The following BPIFC variants were observed in gnomAD, a reference collection of about 807,000 sequenced individuals.
BPIFC encodes BPI fold containing family C, also known as BPI fold-containing family C protein.
In BPIFC, 60 loss-of-function variants were observed where a neutral mutation model predicts 57.6. That is an observed-to-expected ratio of 1.04 (90% CI 0.85 to 1.29). The LOEUF is 1.29. Among genes scored for constraint, BPIFC ranks in the 50% most tolerant of loss-of-function variants. The pLI, the probability that BPIFC is intolerant of heterozygous loss-of-function variation, is 0.00. For missense variants in BPIFC, 581 were observed against 600.5 expected, an observed-to-expected ratio of 0.97 and a Z score of 0.34; for synonymous variants, 243 against 224.5, an observed-to-expected ratio of 1.08 and a Z score of -0.74.
intron 3 of BPIFC, 82 bp downstream of exon 3, chr22:32,457,181 C>A: frequency 6.8e-7 from 1 of 1,473,850 alleles, no homozygotes; most frequent in Non-Finnish European, 9.0e-7. Context: ...CAGGAGACAG[C>A]CCATGTTATG....
chr22:32,428,277 G>A (rs1381753849), intron 13 of BPIFC, among the ~76,000 whole-genome samples: 3 of 74,278 alleles, frequency 4.0e-5, no homozygotes, highest in African/African-American at 1.2e-4. Flanking sequence ...GTGCGCGCGC[G>A]TGTGTGTGTG....
At chr22:32,462,060 TG>T (rs766240334) in intron 1 of BPIFC, among the ~76,000 whole-genome samples, 44 of 148,080 alleles carry the variant, frequency 3.0e-4, no homozygotes, top group Non-Finnish European at 2.4e-4. Context: ...GTCCCAGCTA[TG>T]TGGGAGGCTG....
intron 7 of BPIFC, among the ~76,000 whole-genome samples, chr22:32,443,039 T>C (rs1246523968): frequency 6.6e-6 from 1 of 152,200 alleles, no homozygotes; most frequent in Non-Finnish European, 1.5e-5. Context: ...CAGTCCATGC[T>C]GTTATACCCG....
chr22:32,460,689 C>T (rs570984609), intron 2 of BPIFC, among the ~76,000 whole-genome samples: 20 of 152,338 alleles, frequency 1.3e-4, no homozygotes, highest in African/African-American at 4.8e-4. Context: ...ATTTAAAGCA[C>T]CATCTTCTTT....
At chr22:32,432,304 CT>C in intron 12 of BPIFC, 68 bp downstream of exon 12, 1 of 1,536,236 alleles carries the variant, frequency 6.5e-7, no homozygotes, top group Non-Finnish European at 8.9e-7. Context: ...TTAAAAGCTG[CT>C]GGCCAACAGT....
intron 2 of BPIFC, among the ~76,000 whole-genome samples, chr22:32,460,567 C>T (rs533488314): frequency 3.9e-5 from 6 of 152,168 alleles, no homozygotes; most frequent in Non-Finnish European, 7.4e-5. Context: ...CACCATCCAG[C>T]CAAACTGAAC....
intron 13 of BPIFC, among the ~76,000 whole-genome samples, chr22:32,424,596 TTC>T (rs2145917488): frequency 4.3e-5 from 4 of 93,090 alleles, no homozygotes; most frequent in African/African-American, 1.5e-4. Context: ...CTTCTTCTTC[TTC>T]TTCTCCTCCT....
At chr22:32,427,781 G>T (rs1040616250) in intron 13 of BPIFC, among the ~76,000 whole-genome samples, 1 of 152,144 alleles carries the variant, frequency 6.6e-6, no homozygotes, top group East Asian at 1.9e-4. Flanking sequence ...GAGGTCAAAA[G>T]ATCAAGACCA....
chr22:32,457,555 A>C (rs1481450307), intron 2 of BPIFC, among the ~76,000 whole-genome samples, 169 bp from the exon 3 acceptor site: 1 of 143,176 alleles, frequency 7.0e-6, no homozygotes, highest in African/African-American at 2.7e-5. Context: ...CCAACCATCC[A>C]TCCGTCCATC....
chr22:32,417,189 C>CA, intron 14 of BPIFC, 41 bp from the exon 15 acceptor site: 1 of 977,414 alleles, frequency 1.0e-6, no homozygotes, highest in Non-Finnish European at 1.5e-6. Flanking sequence ...GCAGATCGGG[C>CA]TTTTTTTTTT....
intron 14 of BPIFC, among the ~76,000 whole-genome samples, chr22:32,419,086 TGCCTGTTTTTCTAGCA>T (rs1331744294): frequency 6.6e-6 from 1 of 152,194 alleles, no homozygotes; most frequent in Non-Finnish European, 1.5e-5. Flanking sequence ...TCCCTGAGAA[TGCCTGTTTTTCTAGCA>T]TTATACAATG....
Position 32,432,563 on chromosome 22 carries a change from G to C in BPIFC, c.979-20C>G, listed in dbSNP as rs948981993. ...TGCAATCTGCCCACATTCCGAGAAA[G>C]AAATAAAGATTGTGAGGCGTGAGTT... On this transcript the variant is annotated intron_variant, in intron 11 of 16. Transcript: ENST00000300399. The C allele has an allele frequency of 1.9e-6, 3 of 1,611,088 alleles. No homozygotes were observed. The highest frequency in any genetic ancestry group is 2.5e-6 in the Non-Finnish European group (3 of 1,177,594).
intron 15 of BPIFC, 60 bp from the exon 16 acceptor site, chr22:32,416,051 T>G: frequency 8.6e-7 from 1 of 1,159,686 alleles, no homozygotes; most frequent in Non-Finnish European, 1.2e-6. Context: ...TTAGCAAGCT[T>G]TTTAGTAAGA....
chr22:32,452,982 G>A (rs1262951027), intron 4 of BPIFC, among the ~76,000 whole-genome samples: 1 of 152,170 alleles, frequency 6.6e-6, no homozygotes, highest in Non-Finnish European at 1.5e-5. Flanking sequence ...TATTGGGAAC[G>A]ACAAACTTGT....
chr22:32,430,948 C>T (rs955206870), intron 13 of BPIFC, among the ~76,000 whole-genome samples: 3 of 152,024 alleles, frequency 2.0e-5, no homozygotes, highest in African/African-American at 4.8e-5. Context: ...GACCATATTA[C>T]AAAATTATAT....
In BPIFC at chr22:32,452,383, T is replaced by A. The variant is rs1367495712; in HGVS notation, c.245+1000A>T. 2.6e-5 allele frequency among the ~76,000 whole-genome samples: 4 copies of A among 152,082 alleles called. No homozygotes were observed. In the East Asian group the frequency reaches 5.8e-4, roughly 22 times the overall value. On this transcript the variant is annotated intron_variant, in intron 4 of 16. Transcript: ENST00000300399. ...TGGGCGTGGTGGCTCACGCCTGTAATCCCAGCACTTTGGGAGGCCAAAGGC... is the reference window on the plus strand; with the variant it reads ...TGGGCGTGGTGGCTCACGCCTGTAAACCCAGCACTTTGGGAGGCCAAAGGC...
rs1425491070 is a variant in BPIFC, at chr22:32,431,314, A to C, written c.1217+33T>G. 7 of 1,563,580 alleles carry C rather than the reference A, an allele frequency of 4.5e-6. No homozygotes were observed. In the South Asian group the frequency reaches 7.8e-5, roughly 17 times the overall value. Reference sequence around the variant, plus strand: ...TGATCAGTTGACTCACTTATTACTAAGGTGCCCCAACAGTCAAATTGATTG... The same window carrying C: ...TGATCAGTTGACTCACTTATTACTACGGTGCCCCAACAGTCAAATTGATTG... On this transcript the variant is annotated intron_variant, in intron 13 of 16. Coordinates refer to ENST00000300399, the MANE Select transcript of BPIFC (RefSeq NM_174932.3).
At chr22:32,431,620 G>A (rs903793678) in intron 12 of BPIFC, among the ~76,000 whole-genome samples, 2 of 151,890 alleles carry the variant, frequency 1.3e-5, no homozygotes, top group Non-Finnish European at 1.5e-5. Context: ...TTTGTTTGAT[G>A]ATCTCCTTTG....
intron 3 of BPIFC, among the ~76,000 whole-genome samples, chr22:32,456,117 C>T (rs1409600555): frequency 6.6e-6 from 1 of 152,232 alleles, no homozygotes; most frequent in Admixed American, 6.5e-5. Context: ...AATGACTCTG[C>T]TCCAGAAGGT....
Sources: gnomAD v4.1 joint callset for allele counts (sites outside exome capture counted in the v4.1 genomes callset) on GRCh38, gnomAD v4.1.1 for gene constraint, MANE v1.5 for transcripts, NCBI Gene and HGNC (gene_info 2026-07-23, HGNC 2026-07-21) for gene names.